PRDX6: variants seen among roughly 807,000 people sequenced by gnomAD.
PRDX6 encodes peroxiredoxin 6, also known as peroxiredoxin-6.
PRDX6 carries 13 observed loss-of-function variants against 20.0 expected under a neutral mutation model. The observed-to-expected ratio is 0.65, with a 90% CI of 0.42 to 1.03. PRDX6 has a LOEUF of 1.03. Ranked by LOEUF, PRDX6 falls within the 50% of genes least tolerant of loss-of-function variation. The pLI is 0.00. For missense variants in PRDX6, 203 were observed against 276.9 expected, an observed-to-expected ratio of 0.73 and a Z score of 1.89; for synonymous variants, 85 against 100.8, an observed-to-expected ratio of 0.84 and a Z score of 0.94.
In PRDX6 at chr1:173,481,365, A is replaced by G. The variant is rs749163040; in HGVS notation, c.135A>G (p.Pro45=). The part of the protein sequence containing the change: ...ILFSHPRDFT[P]VCTTELGRAA... ...TCTCCCACCCTCGGGACTTTACCCC[A>G]GTGTGCACCACAGAGCTTGGCAGAG... is the stretch of plus-strand genomic sequence containing the variant. Residue 45 remains proline (P), a synonymous_variant, in exon 2 of 5, where the codon CCA becomes CCG. Coordinates refer to ENST00000340385, the MANE Select transcript of PRDX6 (RefSeq NM_004905.3). 1 of 1,613,876 alleles carries G rather than the reference A, an allele frequency of 6.2e-7. No individual in the cohort carries two copies. Among genetic ancestry groups the G allele is most frequent in the South Asian group, 1.1e-5 (1 of 91,074 alleles).
chr1:173,487,915 T>C lies in PRDX6; in HGVS notation c.*52T>C, dbSNP rs1658927537. 1 of 1,604,794 alleles carries C rather than the reference T, an allele frequency of 6.2e-7. No homozygotes were observed. The highest frequency in any genetic ancestry group is 1.1e-5 in the South Asian group (1 of 90,400). The stretch of plus-strand genomic sequence containing the variant: ...GCCAGAGGATGTCAGCTGCCAATTG[T>C]GTTTTCCTGCAGCAATTCCATAAAC... On this transcript the variant is annotated 3_prime_UTR_variant, in exon 5 of 5. Transcript: ENST00000340385.
rs200553762 is a variant in PRDX6, at chr1:173,485,715, C to CA, written c.399+217dup. ...TTTATTCATAGTTCATGGAAATCTA[C>CA]AAAAAAAAAGTTGTTTATCCTAAAA... On this transcript the variant is annotated intron_variant, in intron 3 of 4. Transcript: ENST00000340385. 8.6e-5 allele frequency among the ~76,000 whole-genome samples: 13 copies of CA among 151,392 alleles called. No homozygotes were observed. In the East Asian group the frequency reaches 1.9e-3, roughly 22 times the overall value.
intron 2 of PRDX6, among the ~76,000 whole-genome samples, chr1:173,483,520 C>T: frequency 6.6e-6 from 1 of 152,090 alleles, no homozygotes. Context: ...CACTGCACTC[C>T]AGCCTGGGCA....
intron 1 of PRDX6, among the ~76,000 whole-genome samples, chr1:173,480,530 A>G (rs1658783755): frequency 1.3e-5 from 2 of 152,252 alleles, no homozygotes; most frequent in South Asian, 4.1e-4. Context: ...AAATTATAAA[A>G]TCTTAGACAA....
chr1:173,486,469 A>G, intron 4 of PRDX6, 68 bp downstream of exon 4: 1 of 1,508,590 alleles, frequency 6.6e-7, no homozygotes, highest in Non-Finnish European at 9.0e-7. Context: ...GGCCAACTTC[A>G]AGGTCTGTGT....
chr1:173,486,147 T>C (rs1311015953), intron 3 of PRDX6, 108 bp from the exon 4 acceptor site: 2 of 979,820 alleles, frequency 2.0e-6, no homozygotes, highest in Non-Finnish European at 2.8e-6. Flanking sequence ...GCTTTGTTTT[T>C]GTCTTGTTTT....
At chr1:173,482,031 T>TCTTA (rs1397568565) in intron 2 of PRDX6, 4 of 152,708 alleles carry the variant, frequency 2.6e-5, no homozygotes, top group Non-Finnish European at 5.9e-5. Flanking sequence ...TAGGCCTCAT[T>TCTTA]CTTAGATCCA....
At chr1:173,486,035 A>G (rs1658891524) in intron 3 of PRDX6, among the ~76,000 whole-genome samples, 1 of 152,256 alleles carries the variant, frequency 6.6e-6, no homozygotes, top group South Asian at 2.1e-4. Context: ...TGGGAAAGCC[A>G]GAACCAAATA....
At chr1:173,479,080 A>G (rs962845810) in intron 1 of PRDX6, among the ~76,000 whole-genome samples, 6 of 152,158 alleles carry the variant, frequency 3.9e-5, no homozygotes, top group Non-Finnish European at 7.3e-5. Context: ...CTTAGCTTGT[A>G]TAGATTAAAT....
chr1:173,477,493 G>T lies in PRDX6; in HGVS notation c.95+1G>T, dbSNP rs548813950. The T allele has an allele frequency of 1.9e-6, 3 of 1,599,518 alleles. No homozygotes were observed. Among genetic ancestry groups the T allele is most frequent in the African/African-American group, 2.7e-5 (2 of 73,234 alleles). On this transcript the variant is annotated splice_donor_variant, in intron 1 of 4. Coordinates refer to ENST00000340385, the MANE Select transcript of PRDX6 (RefSeq NM_004905.3). LOFTEE classifies it high-confidence loss of function. ...GTTTCCACGACTTTCTGGGAGACTC[G>T]TAAGTGGCCACCGCGTAGCCCTGTC...
intron 1 of PRDX6, 50 bp downstream of exon 1, chr1:173,477,542 G>C (rs377067303): frequency 2.8e-6 from 4 of 1,442,266 alleles, no homozygotes; most frequent in Non-Finnish European, 3.8e-6. Context: ...CGCCGGACTC[G>C]GAGGTGCCTT....
Position 173,477,355 on chromosome 1 carries a change from C to A in PRDX6, c.-43C>A. ...AGGCTGCTTCTTCGCCAGAACCAAC[C>A]GGTTGCTTGCTGTCCCAGCGGCGCC... On this transcript the variant is annotated 5_prime_UTR_variant, in exon 1 of 5. Transcript: ENST00000340385. The A allele has an allele frequency of 6.6e-7, 1 of 1,507,856 alleles. No homozygotes were observed. The allele number at this position is 1,507,856 out of a possible 1,614,324, so 93.4% of individuals were successfully genotyped here.
In PRDX6 at chr1:173,481,462, G is replaced by A; in HGVS notation, c.232G>A (p.Asp78Asn). ...LIALSIDSVE[D>N]HLAWSKDINA... ...TGCCCTTTCAATAGACAGTGTTGAG[G>A]ACCATCTTGCCTGGAGCAAGGTTAG... The change falls in exon 2 of 5, where the codon GAC becomes AAC. Residue 78 changes from aspartate (D) to asparagine (N), a missense_variant. Physicochemically the swap from Asp to Asn is conservative, Grantham distance 23. Transcript: ENST00000340385. 3 of 1,614,152 alleles carry A rather than the reference G, an allele frequency of 1.9e-6. No homozygotes were observed. The highest frequency in any genetic ancestry group is 2.2e-5 in the East Asian group (1 of 44,884).
At chr1:173,480,503 A>C (rs999664090) in intron 1 of PRDX6, among the ~76,000 whole-genome samples, 1 of 152,246 alleles carries the variant, frequency 6.6e-6, no homozygotes, top group African/African-American at 2.4e-5. Flanking sequence ...TCTTCGTGAC[A>C]GCTTGAAATG....
At chr1:173,477,831 G>T (rs1376020900) in intron 1 of PRDX6, among the ~76,000 whole-genome samples, 1 of 152,260 alleles carries the variant, frequency 6.6e-6, no homozygotes, top group Non-Finnish European at 1.5e-5. Context: ...GCCCGCGGGA[G>T]GGTTTGTTGT....
chr1:173,481,888 C>G (rs1030893809), intron 2 of PRDX6: 8 of 190,716 alleles, frequency 4.2e-5, no homozygotes, highest in Non-Finnish European at 7.7e-5. Context: ...ATCCACTCAC[C>G]TTTAAATACC....
intron 1 of PRDX6, among the ~76,000 whole-genome samples, chr1:173,480,599 A>G (rs1358155335): frequency 1.3e-5 from 2 of 152,244 alleles, no homozygotes; most frequent in Non-Finnish European, 2.9e-5. Flanking sequence ...TCTACATTGC[A>G]GGCTATCAAA....
chr1:173,484,152 T>TTA (rs1171129427), intron 2 of PRDX6, among the ~76,000 whole-genome samples: 5,664 of 117,848 alleles, frequency 0.048, 503 homozygotes, highest in East Asian at 0.25. Context: ...ATATATATAT[T>TTA]TATATATATA....
chr1:173,486,186 A>C, intron 3 of PRDX6, 69 bp from the exon 4 acceptor site: 2 of 1,372,330 alleles, frequency 1.5e-6, no homozygotes, highest in Non-Finnish European at 2.0e-6. Flanking sequence ...TAATGACTGC[A>C]GAGCTTTCTA....
Sources: gnomAD v4.1 joint callset for allele counts (sites outside exome capture counted in the v4.1 genomes callset) on GRCh38, gnomAD v4.1.1 for gene constraint, MANE v1.5 for transcripts, NCBI Gene and HGNC (gene_info 2026-07-23, HGNC 2026-07-21) for gene names.